Variants in LRMDA observed in about 807,000 individuals in gnomAD.
The protein encoded by LRMDA is leucine-rich melanocyte differentiation-associated protein.
LRMDA carries 18 observed loss-of-function variants against 29.8 expected under a neutral mutation model. The ratio of observed to expected loss-of-function variants is 0.60; its 90% CI spans 0.42 to 0.90. The LOEUF (loss-of-function observed/expected upper bound fraction) is 0.90, where lower values mean the gene tolerates loss of function less well. LRMDA is among the 40% of genes least tolerant of loss of function. The pLI is 0.00. For missense variants in LRMDA, 273 were observed against 273.9 expected (o/e 1.00, Z 0.02); for synonymous variants, 125 against 109.4 (o/e 1.14, Z -0.89).
At chr10:75,569,915 A>G (rs761183096) in intron 2 of LRMDA, among the ~76,000 whole-genome samples, 8 of 152,250 alleles carry the variant, frequency 5.3e-5, no homozygotes, top group Non-Finnish European at 1.0e-4. Flanking sequence ...TGTTGAAGGC[A>G]TGGCCAATGC....
intron 1 of LRMDA, among the ~76,000 whole-genome samples, chr10:75,435,146 C>A (rs552518329): frequency 6.6e-6 from 1 of 152,326 alleles, no homozygotes; most frequent in African/African-American, 2.4e-5. Flanking sequence ...CTTTGTTCCT[C>A]AATGCAGTCT....
intron 2 of LRMDA, among the ~76,000 whole-genome samples, chr10:75,685,407 G>C (rs767519423): frequency 5.3e-5 from 8 of 152,250 alleles, no homozygotes; most frequent in Non-Finnish European, 1.2e-4. Context: ...CCAGGCCAGA[G>C]TCAAGATGTG....
intron 2 of LRMDA, among the ~76,000 whole-genome samples, chr10:75,901,218 A>G (rs987243889): frequency 2.0e-5 from 3 of 152,154 alleles, no homozygotes; most frequent in Admixed American, 1.3e-4. Flanking sequence ...CTTACCATCA[A>G]TGGAAGTGGG....
chr10:76,280,680 A>G (rs904083232), intron 5 of LRMDA, among the ~76,000 whole-genome samples: 1 of 152,140 alleles, frequency 6.6e-6, no homozygotes, highest in Middle Eastern at 3.2e-3. Flanking sequence ...AAACATCATA[A>G]GCACACATCA....
chr10:75,903,366 A>G (rs763160220), intron 2 of LRMDA, among the ~76,000 whole-genome samples: 5 of 152,206 alleles, frequency 3.3e-5, no homozygotes, highest in African/African-American at 4.8e-5. Context: ...AAATTGGTAC[A>G]TTAGGGCAAA....
intron 2 of LRMDA, among the ~76,000 whole-genome samples, chr10:75,538,550 A>G (rs1589174264): frequency 6.6e-6 from 1 of 152,282 alleles, no homozygotes; most frequent in Non-Finnish European, 1.5e-5. Flanking sequence ...AAAAAATGGC[A>G]CTTCACTGAG....
Position 76,024,660 on chromosome 10 carries a change from C to T in LRMDA, c.132-11348C>T, listed in dbSNP as rs182017546. 1.6e-4 allele frequency among the ~76,000 whole-genome samples: 25 copies of T among 152,290 alleles called. No homozygotes were observed. The East Asian group carries it at 1.9e-3, about 12-fold the overall frequency. On this transcript the variant is annotated intron_variant, in intron 2 of 6. Transcript: ENST00000611255. ...GAGTCCATTCCAGGGGGGCCCTGCC[C>T]GTGGGGAGCTGGTCTTTGGGCAAGT...
chr10:76,551,790 T>G (rs1843498408), intron 6 of LRMDA, among the ~76,000 whole-genome samples: 3 of 152,270 alleles, frequency 2.0e-5, no homozygotes, highest in African/African-American at 7.2e-5. Flanking sequence ...TTCTAGAGCC[T>G]TCTGCAGTGG....
At chr10:75,953,330 C>T (rs1443275166) in intron 2 of LRMDA, among the ~76,000 whole-genome samples, 1 of 152,146 alleles carries the variant, frequency 6.6e-6, no homozygotes, top group African/African-American at 2.4e-5. Context: ...CCTTCTGCCT[C>T]AGCCTCCCAA....
intron 2 of LRMDA, among the ~76,000 whole-genome samples, chr10:75,759,094 G>T (rs1489774257): frequency 2.0e-5 from 3 of 151,978 alleles, no homozygotes; most frequent in African/African-American, 4.8e-5. Flanking sequence ...GAGTATTTGT[G>T]TGTACACACA....
chr10:76,211,537 T>G (rs1851634153), intron 5 of LRMDA, among the ~76,000 whole-genome samples: 2 of 152,234 alleles, frequency 1.3e-5, no homozygotes, highest in African/African-American at 4.8e-5. Context: ...ATTCAGTTGC[T>G]GAAACTACAA....
At chr10:75,982,599 T>C (rs1455903426) in intron 2 of LRMDA, among the ~76,000 whole-genome samples, 1 of 152,180 alleles carries the variant, frequency 6.6e-6, no homozygotes, top group African/African-American at 2.4e-5. Flanking sequence ...AAGCTAAAGG[T>C]GAAGCTGGCC....
At position 75,863,529 on chromosome 10, in the gene LRMDA, GC is replaced by G. The variant is rs374397206; in HGVS notation, c.132-172478del. ...CAGGTCCTAGCTGTACTGCCTACCG[GC>G]TGTGTGGCCTAGGTCAAGGTATTTA... On this transcript the variant is annotated intron_variant, in intron 2 of 6. Coordinates refer to ENST00000611255, the MANE Select transcript of LRMDA (RefSeq NM_001305581.2). Among the ~76,000 whole-genome samples, 544 of 152,276 alleles carry G rather than the reference GC, an allele frequency of 3.6e-3. 4 individuals carry two copies. Among genetic ancestry groups the G allele is most frequent in the African/African-American group, 0.012 (517 of 41,546 alleles).
chr10:76,480,326 A>T (rs1476780281), intron 6 of LRMDA, among the ~76,000 whole-genome samples: 4 of 151,914 alleles, frequency 2.6e-5, no homozygotes, highest in Non-Finnish European at 4.4e-5. Context: ...TTCATGTTGC[A>T]CCAAAATTTA....
chr10:76,446,815 C>A (rs929332415), intron 6 of LRMDA, among the ~76,000 whole-genome samples: 1 of 152,196 alleles, frequency 6.6e-6, no homozygotes, highest in Non-Finnish European at 1.5e-5. Context: ...CATGTTAATT[C>A]CACTCAGAGC....
chr10:75,644,973 G>A (rs1841497899), intron 2 of LRMDA, among the ~76,000 whole-genome samples: 1 of 141,282 alleles, frequency 7.1e-6, no homozygotes, highest in African/African-American at 2.5e-5. Flanking sequence ...CTTTCTCTGT[G>A]TTACTTATTT....
rs1268537734 is a variant in LRMDA at position 76,497,188 on chromosome 10, C to T, written c.602-60021C>T. Among the ~76,000 whole-genome samples, 2 of 75,570 alleles carry T rather than the reference C, an allele frequency of 2.6e-5. 1 individual carries two copies. Among genetic ancestry groups the T allele is most frequent in the African/African-American group, 6.4e-5 (2 of 31,026 alleles). 49.6% of individuals were successfully genotyped at this position (75,570 alleles called of 152,430 possible). ...CTGGGAGATGTGCTTCCATGGCTTT[C>T]ATCTTTTTTTTCCCCTCTTTTAAAA... On this transcript the variant is annotated intron_variant, in intron 6 of 6. Transcript: ENST00000611255.
At chr10:76,076,590 G>C (rs567687553) in intron 5 of LRMDA, among the ~76,000 whole-genome samples, 1 of 152,084 alleles carries the variant, frequency 6.6e-6, no homozygotes, top group Admixed American at 6.5e-5. Flanking sequence ...AGATGGGGGA[G>C]TTGTGGGATT....
rs386371855 is a variant in LRMDA at position 75,632,782 on chromosome 10, GTTTTTTTTTTTTT to G, written c.131+194303_131+194315del. On this transcript the variant is annotated intron_variant, in intron 2 of 6. Coordinates refer to ENST00000611255, the MANE Select transcript of LRMDA (RefSeq NM_001305581.2). ...TAGTTTTTTTGTTTAGTTTAGTTTA[GTTTTTTTTTTTTT>G]TTTTTTTTTTTTTTGCCAAGAGTCT... 2.6e-3 allele frequency among the ~76,000 whole-genome samples: 112 copies of G among 43,252 alleles called. No individual in the cohort carries two copies. In the South Asian group the frequency reaches 0.047, roughly 18 times the overall value. The allele number at this position is 43,252 out of a possible 152,430, so 28.4% of individuals were successfully genotyped here. A position where few individuals can be genotyped will look rare whatever the true frequency, so the allele number is the denominator to read the frequency against.
Sources: gnomAD v4.1 joint callset for allele counts (sites outside exome capture counted in the v4.1 genomes callset) on GRCh38, gnomAD v4.1.1 for gene constraint, MANE v1.5 for transcripts, NCBI Gene and HGNC (gene_info 2026-07-23, HGNC 2026-07-21) for gene names.